RPS6KC1: variants seen among roughly 807,000 people sequenced by gnomAD.
The protein encoded by RPS6KC1 is inactive ribosomal protein S6 kinase delta-1.
A neutral mutation model predicts 103.8 loss-of-function variants in RPS6KC1; 54 were observed. That is an observed-to-expected ratio of 0.52 (90% CI 0.42 to 0.65). The LOEUF (loss-of-function observed/expected upper bound fraction) is 0.65. RPS6KC1 is among the 30% of genes least tolerant of loss of function. RPS6KC1 has a pLI of 0.00. For missense variants in RPS6KC1, 1,151 were observed against 1,253.8 expected (o/e 0.92, Z 1.24); for synonymous variants, 439 against 438.7 (o/e 1.00, Z -0.01).
rs191764240 is a variant in RPS6KC1, at chr1:213,200,886, G to A, written c.1044+24394G>A. Among the ~76,000 whole-genome samples the A allele has an allele frequency of 1.6e-4, 24 of 152,212 alleles. No homozygotes were observed. In the East Asian group the frequency reaches 4.2e-3, roughly 27 times the overall value. On this transcript the variant is annotated intron_variant, in intron 8 of 14. Coordinates refer to ENST00000366960, the MANE Select transcript of RPS6KC1 (RefSeq NM_012424.6). ...ATGCAGGAACAGGAGACCACATACC[G>A]CATGTTCCTACTTACAAGTGGGAGC...
the RPS6KC1 span, among the ~76,000 whole-genome samples, chr1:213,805,862 A>G: frequency 1.3e-5 from 2 of 152,274 alleles, no homozygotes; most frequent in African/African-American, 4.8e-5. Flanking sequence ...AGTCAAAATT[A>G]CACCTTGATT....
chr1:213,428,312 C>CT, the RPS6KC1 span, among the ~76,000 whole-genome samples: 1 of 152,150 alleles, frequency 6.6e-6, no homozygotes, highest in Non-Finnish European at 1.5e-5. Context: ...TTTTTACTTA[C>CT]TTTAAGCAGA....
chr1:213,415,384 A>G, the RPS6KC1 span, among the ~76,000 whole-genome samples: 186 of 152,340 alleles, frequency 1.2e-3, no homozygotes, highest in African/African-American at 4.2e-3. Context: ...GGTGAGGGTA[A>G]GTCTTCTTCT....
At chr1:213,287,243 TGTGTGTGTG>T in the RPS6KC1 span, among the ~76,000 whole-genome samples, 1 of 11,684 alleles carries the variant, frequency 8.6e-5, no homozygotes, top group Non-Finnish European at 7.6e-4. Context: ...TGTGTGTGTG[TGTGTGTGTG>T]TGTGTGTGTG....
the RPS6KC1 span, among the ~76,000 whole-genome samples, chr1:213,695,779 G>T: frequency 6.6e-6 from 1 of 152,184 alleles, no homozygotes; most frequent in African/African-American, 2.4e-5. Flanking sequence ...ATCTAGGAAA[G>T]ATATTCGTAT....
At chr1:213,601,861 CTTCAT>C in the RPS6KC1 span, among the ~76,000 whole-genome samples, 3 of 150,910 alleles carry the variant, frequency 2.0e-5, 1 homozygote, top group African/African-American at 7.3e-5. Flanking sequence ...TCTTTTTTTC[CTTCAT>C]TTCTTTTCTT....
At chr1:213,733,971 G>T in the RPS6KC1 span, among the ~76,000 whole-genome samples, 1 of 152,108 alleles carries the variant, frequency 6.6e-6, no homozygotes, top group Non-Finnish European at 1.5e-5. Context: ...AAATGTTTGA[G>T]GCCTTAAAAT....
the RPS6KC1 span, among the ~76,000 whole-genome samples, chr1:213,297,524 T>A: frequency 6.6e-6 from 1 of 152,222 alleles, no homozygotes; most frequent in East Asian, 1.9e-4. Flanking sequence ...CCGAGAATAC[T>A]TGAGTCCACA....
At chr1:213,495,349 T>A in the RPS6KC1 span, among the ~76,000 whole-genome samples, 1 of 151,840 alleles carries the variant, frequency 6.6e-6, no homozygotes, top group Non-Finnish European at 1.5e-5. Context: ...TAAGATGGAG[T>A]CTTGCTCTGT....
the RPS6KC1 span, among the ~76,000 whole-genome samples, chr1:213,404,595 T>C: frequency 6.6e-6 from 1 of 151,600 alleles, no homozygotes; most frequent in Non-Finnish European, 1.5e-5. Context: ...TTCTGTCTCA[T>C]TGGGATGCCA....
chr1:213,264,474 T>G (rs1013637074), intron 14 of RPS6KC1, among the ~76,000 whole-genome samples: 5 of 152,334 alleles, frequency 3.3e-5, no homozygotes, highest in Non-Finnish European at 5.9e-5. Flanking sequence ...AAAGAAGTAG[T>G]CATTATTATA....
the RPS6KC1 span, among the ~76,000 whole-genome samples, chr1:213,545,441 G>A: frequency 1.3e-5 from 2 of 148,262 alleles, no homozygotes; most frequent in Admixed American, 6.7e-5. Context: ...AAAAGAGAGA[G>A]AGAGAGAGAG....
chr1:213,443,220 G>A, the RPS6KC1 span, among the ~76,000 whole-genome samples: 11 of 152,106 alleles, frequency 7.2e-5, no homozygotes, highest in South Asian at 4.2e-4. Context: ...CAGCCCATAC[G>A]GTGCCATTGT....
the RPS6KC1 span, among the ~76,000 whole-genome samples, chr1:213,695,385 G>A: frequency 1.3e-5 from 2 of 152,178 alleles, no homozygotes; most frequent in Admixed American, 6.5e-5. Context: ...TACCTGTGAA[G>A]AAGTCACTGG....
the RPS6KC1 span, among the ~76,000 whole-genome samples, chr1:213,808,247 A>T: frequency 6.6e-6 from 1 of 151,940 alleles, no homozygotes; most frequent in Non-Finnish European, 1.5e-5. Flanking sequence ...CCACTTGAGG[A>T]GGCAGTCTGC....
the RPS6KC1 span, chr1:213,428,660 CTCTT>C: frequency 7.0e-6 from 1 of 141,860 alleles, no homozygotes; most frequent in East Asian, 2.2e-4. Context: ...CTCCCCCTCT[CTCTT>C]TCTTGTGCTA....
At chr1:213,842,152 A>G in the RPS6KC1 span, 1 of 152,346 alleles carries the variant, frequency 6.6e-6, no homozygotes, top group East Asian at 1.9e-4. Context: ...CATTTCATAC[A>G]GTCACATAGT....
At chr1:213,215,698 G>A (rs1371919511) in intron 8 of RPS6KC1, among the ~76,000 whole-genome samples, 1 of 152,218 alleles carries the variant, frequency 6.6e-6, no homozygotes, top group Non-Finnish European at 1.5e-5. Flanking sequence ...AATTCTACAA[G>A]CCAGAATAGA....
the RPS6KC1 span, among the ~76,000 whole-genome samples, chr1:213,489,787 G>C: frequency 6.6e-6 from 1 of 152,220 alleles, no homozygotes; most frequent in Non-Finnish European, 1.5e-5. Flanking sequence ...CAGTGGCTTA[G>C]AATTCTGAAT....
Sources: allele counts gnomAD v4.1 joint callset (sites outside exome capture counted in the v4.1 genomes callset), GRCh38; gene constraint gnomAD v4.1.1; transcripts MANE v1.5; gene names NCBI Gene and HGNC (gene_info 2026-07-23, HGNC 2026-07-21).